NTN1: variants seen among roughly 807,000 people sequenced by gnomAD.
The protein encoded by NTN1 is netrin 1.
Under a neutral mutation model 54.2 loss-of-function variants are expected in NTN1, and 11 were observed. The observed-to-expected ratio is 0.20, with a 90% CI of 0.13 to 0.34. The LOEUF is 0.34. Among genes scored for constraint, NTN1 ranks in the 10% least tolerant of loss-of-function variants. The pLI, the probability that NTN1 is intolerant of heterozygous loss-of-function variation, is 1.00. For synonymous variants in NTN1, 371 were observed against 382.0 expected (o/e 0.97, Z 0.33); for missense variants, 740 against 893.1 (o/e 0.83, Z 2.18).
chr17:9,166,533 G>T (rs775565770), intron 3 of NTN1, among the ~76,000 whole-genome samples: 1 of 151,990 alleles, frequency 6.6e-6, no homozygotes, highest in East Asian at 1.9e-4. Flanking sequence ...GTAGATATGG[G>T]GTTTCATCAT....
chr17:9,162,104 C>T (rs1378810908), intron 2 of NTN1, among the ~76,000 whole-genome samples: 2 of 152,128 alleles, frequency 1.3e-5, no homozygotes, highest in African/African-American at 2.4e-5. Context: ...TGTGGGGGTC[C>T]TCTCCCCAGA....
At chr17:9,100,633 A>G (rs1425711223) in intron 2 of NTN1, among the ~76,000 whole-genome samples, 6 of 152,156 alleles carry the variant, frequency 3.9e-5, no homozygotes, top group African/African-American at 1.4e-4. Flanking sequence ...TCTGGTCAGT[A>G]AGAACTATAT....
At chr17:9,179,984 G>A (rs775668283) in intron 4 of NTN1, 28 bp downstream of exon 4, 25 of 1,600,364 alleles carry the variant, frequency 1.6e-5, no homozygotes, top group South Asian at 5.6e-5. Context: ...TGCTTTTCAA[G>A]TCTCTGGCTT....
chr17:9,201,937 T>C (rs969366850), intron 5 of NTN1, among the ~76,000 whole-genome samples: 6 of 150,172 alleles, frequency 4.0e-5, no homozygotes, highest in Non-Finnish European at 5.9e-5. Flanking sequence ...CTTGTAATCC[T>C]AGCACTTTGG....
At chr17:9,072,408 C>G (rs2092035063) in intron 2 of NTN1, among the ~76,000 whole-genome samples, 2 of 152,272 alleles carry the variant, frequency 1.3e-5, no homozygotes, top group East Asian at 1.9e-4. Context: ...CACTTCTACC[C>G]CTACCCCCCA....
At chr17:9,136,586 C>T (rs2092282264) in intron 2 of NTN1, among the ~76,000 whole-genome samples, 1 of 151,874 alleles carries the variant, frequency 6.6e-6, no homozygotes, top group South Asian at 2.1e-4. Context: ...CAAAAAGAAA[C>T]AAACAAAAAA....
chr17:9,183,376 AG>A, intron 5 of NTN1: 1 of 484,784 alleles, frequency 2.1e-6, no homozygotes, highest in Non-Finnish European at 4.2e-6. Flanking sequence ...AGCAGAATGC[AG>A]GGGGCCCAGG....
Position 9,021,531 on chromosome 17 carries a change from G to T in NTN1, c.-118G>T, listed in dbSNP as rs938935413. The T allele has an allele frequency of 6.6e-6, 1 of 152,112 alleles. No homozygotes were observed. Among genetic ancestry groups the T allele is most frequent in the East Asian group, 1.9e-4 (1 of 5,156 alleles). 9.4% of individuals were successfully genotyped at this position (152,112 alleles called of 1,614,324 possible). On this transcript the variant is annotated 5_prime_UTR_variant, in exon 1 of 7. Coordinates refer to ENST00000173229, the MANE Select transcript of NTN1 (RefSeq NM_004822.3). ...CCTCACTCCCAGCGCGAGTGGCGGC[G>T]GCGGCGGAGCCTTCGGGGGCGAGCG...
intron 2 of NTN1, among the ~76,000 whole-genome samples, chr17:9,074,426 C>T (rs368803674): frequency 6.6e-6 from 1 of 152,148 alleles, no homozygotes; most frequent in Non-Finnish European, 1.5e-5. Context: ...AGCCATGGAG[C>T]GGGTGAGTGA....
At chr17:9,068,039 A>G (rs1224723517) in intron 2 of NTN1, among the ~76,000 whole-genome samples, 1 of 152,208 alleles carries the variant, frequency 6.6e-6, no homozygotes, top group Middle Eastern at 3.2e-3. Context: ...AGCAGTCTCC[A>G]AGCACGGTGC....
At chr17:9,169,173 T>C (rs1484918421) in intron 3 of NTN1, among the ~76,000 whole-genome samples, 1 of 152,232 alleles carries the variant, frequency 6.6e-6, no homozygotes. Flanking sequence ...TAGACCTCAG[T>C]CTCCTCATCT....
At chr17:9,226,569 G>T (rs945705812) in intron 6 of NTN1, among the ~76,000 whole-genome samples, 2 of 151,714 alleles carry the variant, frequency 1.3e-5, no homozygotes, top group African/African-American at 2.4e-5. Context: ...TCACCTGGCC[G>T]CCCTCTCCTG....
At chr17:9,106,758 AC>A (rs2092168675) in intron 2 of NTN1, among the ~76,000 whole-genome samples, 1 of 151,878 alleles carries the variant, frequency 6.6e-6, no homozygotes, top group Non-Finnish European at 1.5e-5. Flanking sequence ...CAGGTGATCC[AC>A]CCGCCTTGGC....
intron 5 of NTN1, among the ~76,000 whole-genome samples, chr17:9,188,008 G>A (rs1446373627): frequency 2.0e-5 from 3 of 152,202 alleles, no homozygotes; most frequent in East Asian, 3.8e-4. Context: ...GCTAGGGGCC[G>A]GGCAGCGGCT....
chr17:9,003,781 T>C, the NTN1 span, among the ~76,000 whole-genome samples: 2 of 152,084 alleles, frequency 1.3e-5, no homozygotes, highest in African/African-American at 2.4e-5. This position sits in a 1 kb window ranked among gnomAD's most constrained non-coding sequence, Gnocchi z 7.4. Flanking sequence ...GGTGCATTCA[T>C]CCCCCGGGCT....
rs956585596 is a variant in NTN1 at position 9,165,198 on chromosome 17, A to G, written c.1207+2197A>G. Among the ~76,000 whole-genome samples, 8 of 152,112 alleles carry G rather than the reference A, an allele frequency of 5.3e-5. No individual in the cohort carries two copies. Among genetic ancestry groups the G allele is most frequent in the African/African-American group, 1.4e-4 (6 of 41,422 alleles). On this transcript the variant is annotated intron_variant, in intron 3 of 6. Coordinates refer to ENST00000173229, the MANE Select transcript of NTN1 (RefSeq NM_004822.3). The surrounding 1 kb of genome is among the most constrained non-coding windows in gnomAD (Gnocchi z 4.5). ...CTGTCATGCCAGTTTCTGCTGTCCA[A>G]TTAGAAATGTATGTTTCCCAGAGAG...
Position 9,021,542 on chromosome 17 carries a change from C to T in NTN1, c.-107C>T, listed in dbSNP as rs1261072522. 2.6e-5 allele frequency: 4 copies of T among 151,620 alleles called. No individual in the cohort carries two copies. The highest frequency in any genetic ancestry group is 6.6e-5 in the Admixed American group (1 of 15,162). The allele number at this position is 151,620 out of a possible 1,614,324, so 9.4% of individuals were successfully genotyped here. A position where few individuals can be genotyped will look rare whatever the true frequency, so the allele number is the denominator to read the frequency against. On this transcript the variant is annotated 5_prime_UTR_variant, in exon 1 of 7. Coordinates refer to ENST00000173229, the MANE Select transcript of NTN1 (RefSeq NM_004822.3). ...GCGCGAGTGGCGGCGGCGGCGGAGC[C>T]TTCGGGGGCGAGCGCGCGTGTGTGT...
intron 2 of NTN1, among the ~76,000 whole-genome samples, chr17:9,109,422 T>G (rs1323444322): frequency 2.6e-5 from 4 of 152,222 alleles, no homozygotes; most frequent in African/African-American, 9.7e-5. Flanking sequence ...CCTGACTTAC[T>G]GTGCTATTAG....
chr17:9,146,248 GGGTGCCT>G, intron 2 of NTN1, among the ~76,000 whole-genome samples: 1 of 152,290 alleles, frequency 6.6e-6, no homozygotes, highest in South Asian at 2.1e-4. Context: ...AATGACCCAG[GGGTGCCT>G]GGTGCACAGA....
Sources: gnomAD v4.1 joint callset for allele counts (sites outside exome capture counted in the v4.1 genomes callset) on GRCh38, gnomAD v4.1.1 for gene constraint, Gnocchi (gnomAD v3.1) non-coding constraint, MANE v1.5 for transcripts, NCBI Gene and HGNC (gene_info 2026-07-23, HGNC 2026-07-21) for gene names.